EXOC4: variants seen among roughly 807,000 people sequenced by gnomAD.
EXOC4 encodes exocyst complex component 4.
A neutral mutation model predicts 107.2 loss-of-function variants in EXOC4; 71 were observed. The observed-to-expected ratio is 0.66, with a 90% CI of 0.55 to 0.81. The LOEUF is 0.81. Ranked by LOEUF, EXOC4 falls within the 30% of genes least tolerant of loss-of-function variation. The pLI, the probability that EXOC4 is intolerant of heterozygous loss-of-function variation, is 0.00. For synonymous variants in EXOC4, 456 were observed against 441.2 expected, an observed-to-expected ratio of 1.03 and a Z score of -0.42; for missense variants, 1,108 against 1,189.6, an observed-to-expected ratio of 0.93 and a Z score of 1.01.
At position 133,661,315 on chromosome 7, in the gene EXOC4, A is replaced by G. The variant is rs79576831; in HGVS notation, c.1514+31174A>G. ...CACAAGATCACAATTAACCATATAC[A>G]CATCTTACTGTGCGAGGTCATTGAG... On this transcript the variant is annotated intron_variant, in intron 10 of 17. Coordinates refer to ENST00000253861, the MANE Select transcript of EXOC4 (RefSeq NM_021807.4). 5.3e-3 allele frequency among the ~76,000 whole-genome samples: 813 copies of G among 152,176 alleles called. 9 individuals carry two copies. The highest frequency in any genetic ancestry group is 0.018 in the African/African-American group (762 of 41,504).
intron 10 of EXOC4, among the ~76,000 whole-genome samples, chr7:133,681,896 G>A (rs1794194913): frequency 6.6e-6 from 1 of 151,838 alleles, no homozygotes; most frequent in Non-Finnish European, 1.5e-5. Flanking sequence ...TTCCATAATT[G>A]GTAGCCATTA....
intron 11 of EXOC4, among the ~76,000 whole-genome samples, chr7:133,873,063 A>G (rs1798780857): frequency 6.6e-6 from 1 of 152,208 alleles, no homozygotes; most frequent in African/African-American, 2.4e-5. Flanking sequence ...TGATCCCAGC[A>G]TTTTGGAGGG....
intron 17 of EXOC4, 81 bp downstream of exon 17, chr7:134,007,916 C>T: frequency 7.8e-7 from 1 of 1,285,212 alleles, no homozygotes; most frequent in Non-Finnish European, 1.1e-6. Context: ...AAAATAGACT[C>T]TTGGTGCAGA....
intron 13 of EXOC4, among the ~76,000 whole-genome samples, chr7:133,928,271 G>A (rs1232442831): frequency 6.6e-6 from 1 of 152,140 alleles, no homozygotes; most frequent in Non-Finnish European, 1.5e-5. Context: ...TTGTGGTGGT[G>A]GGCAGGATGC....
At chr7:133,627,473 C>T (rs1210017739) in intron 9 of EXOC4, among the ~76,000 whole-genome samples, 3 of 151,864 alleles carry the variant, frequency 2.0e-5, no homozygotes, top group East Asian at 1.9e-4. Context: ...CATATTGAGT[C>T]GATTATTACA....
intron 9 of EXOC4, among the ~76,000 whole-genome samples, chr7:133,484,909 C>T (rs554270338): frequency 8.0e-5 from 12 of 150,882 alleles, no homozygotes; most frequent in Non-Finnish European, 1.6e-4. Flanking sequence ...GTGAAACCCC[C>T]TCTCTACTAA....
Position 133,722,221 on chromosome 7 carries a change from A to C in EXOC4, c.1514+92080A>C, listed in dbSNP as rs1191523605. On this transcript the variant is annotated intron_variant, in intron 10 of 17. Coordinates refer to ENST00000253861, the MANE Select transcript of EXOC4 (RefSeq NM_021807.4). ...GCCTGAAAACTGTTCTTTCATTGCA[A>C]TGAAATGTTGGAAATCTATTGATAA... 2.0e-5 allele frequency among the ~76,000 whole-genome samples: 3 copies of C among 152,198 alleles called. No individual in the cohort carries two copies. The South Asian group carries it at 6.2e-4, about 31-fold the overall frequency.
At chr7:133,638,488 C>G (rs538607709) in intron 10 of EXOC4, among the ~76,000 whole-genome samples, 1 of 152,114 alleles carries the variant, frequency 6.6e-6, no homozygotes, top group Admixed American at 6.5e-5. Context: ...TTGGCAGAGT[C>G]AAGGAGTATA....
At chr7:133,473,953 G>A (rs1798946759) in intron 7 of EXOC4, among the ~76,000 whole-genome samples, 2 of 151,994 alleles carry the variant, frequency 1.3e-5, no homozygotes, top group Non-Finnish European at 2.9e-5. Flanking sequence ...GCCTGCCTCG[G>A]CCTCCTAAAG....
intron 1 of EXOC4, among the ~76,000 whole-genome samples, chr7:133,263,247 CAT>C (rs998925259): frequency 2.6e-5 from 4 of 151,954 alleles, no homozygotes; most frequent in African/African-American, 2.4e-5. Context: ...TACAAAATCA[CAT>C]GTGTGCCATA....
intron 9 of EXOC4, among the ~76,000 whole-genome samples, chr7:133,531,832 C>T (rs553975796): frequency 1.3e-5 from 2 of 152,114 alleles, no homozygotes; most frequent in South Asian, 4.1e-4. Context: ...GACTAGAGGC[C>T]TGGTAGACCT....
intron 10 of EXOC4, among the ~76,000 whole-genome samples, chr7:133,677,968 T>A (rs1366814262): frequency 6.6e-6 from 1 of 152,222 alleles, no homozygotes; most frequent in Non-Finnish European, 1.5e-5. Flanking sequence ...ATTATAATTG[T>A]ACTCTAAAAC....
intron 9 of EXOC4, among the ~76,000 whole-genome samples, chr7:133,629,812 G>A (rs1303522128): frequency 1.3e-5 from 2 of 151,982 alleles, no homozygotes; most frequent in Non-Finnish European, 2.9e-5. Context: ...CAAAGTGGTG[G>A]GACCACAGCT....
chr7:133,605,105 T>C (rs148672309), intron 9 of EXOC4, among the ~76,000 whole-genome samples: 103 of 152,234 alleles, frequency 6.8e-4, no homozygotes, highest in East Asian at 5.6e-3. Context: ...GGTATTCATG[T>C]AGGAATGAAA....
intron 9 of EXOC4, among the ~76,000 whole-genome samples, chr7:133,548,751 A>G (rs1380437258): frequency 6.6e-6 from 1 of 152,204 alleles, no homozygotes; most frequent in Non-Finnish European, 1.5e-5. Flanking sequence ...GTTCTGGATT[A>G]GGCGTTTGCT....
At chr7:133,984,072 T>TA (rs1794058227) in intron 14 of EXOC4, among the ~76,000 whole-genome samples, 1 of 152,308 alleles carries the variant, frequency 6.6e-6, no homozygotes, top group Admixed American at 6.5e-5. Flanking sequence ...TCACAAGGTA[T>TA]AAAAAACATG....
chr7:133,726,717 T>G (rs955962103), intron 10 of EXOC4, among the ~76,000 whole-genome samples: 1 of 152,200 alleles, frequency 6.6e-6, no homozygotes, highest in African/African-American at 2.4e-5. Context: ...AATGAGTACT[T>G]CCCCTTCCCT....
In EXOC4 at chr7:133,375,049, T is replaced by TAC. The variant is rs747079092; in HGVS notation, c.1182+47_1182+48insAC. The TAC allele has an allele frequency of 7.2e-5, 110 of 1,518,234 alleles. 1 individual carries two copies. The South Asian group carries it at 1.2e-3, about 17-fold the overall frequency. The allele number at this position is 1,518,234 out of a possible 1,614,324, so 94.0% of individuals were successfully genotyped here. A position where few individuals can be genotyped will look rare whatever the true frequency, so the allele number is the denominator to read the frequency against. On this transcript the variant is annotated intron_variant, in intron 7 of 17. Coordinates refer to ENST00000253861, the MANE Select transcript of EXOC4 (RefSeq NM_021807.4). ...TGTCATCTTGATTCAGAGTAACAGT[T>TAC]TAGAATAACAACAACAACAGCAACA... is the stretch of plus-strand genomic sequence containing the variant.
At chr7:133,677,864 A>G (rs1585072886) in intron 10 of EXOC4, among the ~76,000 whole-genome samples, 1 of 152,048 alleles carries the variant, frequency 6.6e-6, no homozygotes, top group African/African-American at 2.4e-5. Context: ...TTATTGGTAG[A>G]TATATTTGAG....
Sources: allele counts gnomAD v4.1 joint callset (sites outside exome capture counted in the v4.1 genomes callset), GRCh38; gene constraint gnomAD v4.1.1; transcripts MANE v1.5; gene names NCBI Gene and HGNC (gene_info 2026-07-23, HGNC 2026-07-21).